RABEP1: variants seen among roughly 807,000 people sequenced by gnomAD.
RABEP1 encodes rab GTPase-binding effector protein 1.
RABEP1 carries 51 observed loss-of-function variants against 123.4 expected under a neutral mutation model. The observed-to-expected ratio is 0.41, with a 90% confidence interval of 0.33 to 0.52. The LOEUF is 0.52. Among genes scored for constraint, RABEP1 ranks in the 20% least tolerant of loss-of-function variants. RABEP1 has a pLI of 0.16. For synonymous variants in RABEP1, 347 were observed against 355.2 expected (o/e 0.98, Z 0.26); for missense variants, 888 against 996.3 (o/e 0.89, Z 1.46).
chr17:5,310,263 A>G lies in RABEP1; in HGVS notation c.163+1441A>G, dbSNP rs574874378. 3.5e-4 allele frequency among the ~76,000 whole-genome samples: 52 copies of G among 147,250 alleles called. No individual in the cohort carries two copies. The Middle Eastern group carries it at 0.011, about 31-fold the overall frequency. On this transcript the variant is annotated intron_variant, in intron 2 of 17. Transcript: ENST00000537505. The stretch of plus-strand genomic sequence containing the variant: ...GAAAAGATGTGAAGGATAAAATTTT[A>G]TATTGTTGATATTTACAATTTAAAT...
intron 2 of RABEP1, among the ~76,000 whole-genome samples, chr17:5,326,371 G>A (rs549768165): frequency 1.8e-4 from 27 of 152,244 alleles, no homozygotes; most frequent in African/African-American, 6.5e-4. Context: ...AAACTACTAA[G>A]TGAAAGAAGG....
At chr17:5,373,731 C>T (rs909845640) in intron 13 of RABEP1, among the ~76,000 whole-genome samples, 1 of 140,644 alleles carries the variant, frequency 7.1e-6, no homozygotes, top group African/African-American at 2.6e-5. Context: ...CACACACACA[C>T]ACACACGAAA....
intron 1 of RABEP1, among the ~76,000 whole-genome samples, chr17:5,292,099 GC>G (rs765693694): frequency 3.3e-5 from 5 of 152,128 alleles, no homozygotes; most frequent in Non-Finnish European, 7.3e-5. Flanking sequence ...TTGCCAAATT[GC>G]TTTCTAGAAA....
At position 5,373,341 on chromosome 17, in the gene RABEP1, G is replaced by A; in HGVS notation, c.1912G>A (p.Val638Ile). 1 of 1,613,236 alleles carries A rather than the reference G, an allele frequency of 6.2e-7. No homozygotes were observed. The highest frequency in any genetic ancestry group is 1.1e-5 in the South Asian group (1 of 90,994). ...GGTGCTGATGCAGTCACGGGAACAG[G>A]TTTCAGAAGAGCTGGTGAGGTTACA... ...MAVLMQSREQVSEELVRLQKD... is the reference protein window; with the variant it reads ...MAVLMQSREQISEELVRLQKD... Residue 638 changes from valine to isoleucine, a missense_variant, in exon 13 of 18, where the codon GTT becomes ATT. By Grantham distance (29) the Val-to-Ile change is conservative. Transcript: ENST00000537505.
intron 2 of RABEP1, 128 bp from the exon 3 acceptor site, chr17:5,331,821 T>C (rs1597362961): frequency 2.8e-5 from 22 of 773,302 alleles, no homozygotes; most frequent in Non-Finnish European, 4.3e-5. Flanking sequence ...TTACCTTAAA[T>C]CTCACCTCTA....
intron 1 of RABEP1, among the ~76,000 whole-genome samples, chr17:5,299,700 C>A (rs1230125197): frequency 1.9e-5 from 2 of 107,798 alleles, no homozygotes; most frequent in Non-Finnish European, 3.9e-5. Context: ...GCACTCATTT[C>A]TTTTTCTTTT....
intron 1 of RABEP1, among the ~76,000 whole-genome samples, chr17:5,304,743 G>A (rs1301333361): frequency 6.6e-6 from 1 of 152,120 alleles, no homozygotes; most frequent in East Asian, 1.9e-4. Context: ...TTTTGTTGAA[G>A]GCTGGCATTA....
intron 12 of RABEP1, among the ~76,000 whole-genome samples, chr17:5,371,915 G>C (rs1208177840): frequency 2.0e-5 from 3 of 151,914 alleles, no homozygotes; most frequent in Non-Finnish European, 4.4e-5. Flanking sequence ...CAAAACACGT[G>C]GCATAGAGTA....
At chr17:5,295,476 G>A (rs2075074383) in intron 1 of RABEP1, among the ~76,000 whole-genome samples, 1 of 149,320 alleles carries the variant, frequency 6.7e-6, no homozygotes, top group Non-Finnish European at 1.5e-5. Context: ...AACCCTCTTA[G>A]TAAGTATTGT....
rs1185209680 is a variant in RABEP1 at position 5,294,633 on chromosome 17, C to CTTTTTTTTTTT, written c.34+12135_34+12145dup. On this transcript the variant is annotated intron_variant, in intron 1 of 17. Coordinates refer to ENST00000537505, the MANE Select transcript of RABEP1 (RefSeq NM_004703.6). Reference sequence around the variant, plus strand: ...AGATACTGAGGGAAAACGGTATTGTCTTTTTTTTTTTTTTTTTTTTTTTTT... The same window carrying CTTTTTTTTTTT: ...AGATACTGAGGGAAAACGGTATTGTCTTTTTTTTTTTTTTTTTTTTTTTTTTTTTTTTTTTT... 3.2e-3 allele frequency among the ~76,000 whole-genome samples: 170 copies of CTTTTTTTTTTT among 53,004 alleles called. 48 individuals are homozygous for CTTTTTTTTTTT. Among genetic ancestry groups the CTTTTTTTTTTT allele is most frequent in the Non-Finnish European group, 4.6e-3 (133 of 29,080 alleles). 34.8% of individuals were successfully genotyped at this position (53,004 alleles called of 152,430 possible).
chr17:5,362,365 C>G (rs1409374411), intron 9 of RABEP1, among the ~76,000 whole-genome samples: 3 of 152,136 alleles, frequency 2.0e-5, no homozygotes, highest in Admixed American at 6.6e-5. Context: ...CTCAAGTGTT[C>G]CCTTTGACTT....
chr17:5,322,219 A>G (rs978844772), intron 2 of RABEP1, among the ~76,000 whole-genome samples: 6 of 152,064 alleles, frequency 3.9e-5, no homozygotes, highest in African/African-American at 1.4e-4. Context: ...TTAGCCAGGC[A>G]TGGTGGTACA....
chr17:5,351,224 A>G (rs894238551), intron 7 of RABEP1, among the ~76,000 whole-genome samples: 1 of 152,162 alleles, frequency 6.6e-6, no homozygotes, highest in Admixed American at 6.5e-5. Context: ...AGAGCACTGC[A>G]TATTCAGGTT....
intron 1 of RABEP1, among the ~76,000 whole-genome samples, chr17:5,300,471 A>G (rs2075126266): frequency 6.6e-6 from 1 of 152,048 alleles, no homozygotes; most frequent in African/African-American, 2.4e-5. Flanking sequence ...AGCCTTGACC[A>G]CCCCTACTGA....
At chr17:5,380,988 G>A (rs1273363321) in intron 16 of RABEP1, among the ~76,000 whole-genome samples, 1 of 152,176 alleles carries the variant, frequency 6.6e-6, no homozygotes, top group Non-Finnish European at 1.5e-5. Context: ...GAGAGACTGG[G>A]GATAGCTGGG....
chr17:5,386,250 T>C lies in RABEP1; in HGVS notation c.*3027T>C. On this transcript the variant is annotated 3_prime_UTR_variant, in exon 18 of 18. Coordinates refer to ENST00000537505, the MANE Select transcript of RABEP1 (RefSeq NM_004703.6). ...CGGATATCATTGATTTGCTTCACCA[T>C]TTCCCTTATATGTTCACCCCTGTAA... is the stretch of plus-strand genomic sequence containing the variant. 1 of 1,612,900 alleles carries C rather than the reference T, an allele frequency of 6.2e-7. No individual in the cohort carries two copies. Among genetic ancestry groups the C allele is most frequent in the Non-Finnish European group, 8.5e-7 (1 of 1,179,454 alleles).
chr17:5,332,412 G>A (rs1029431776), intron 3 of RABEP1, among the ~76,000 whole-genome samples: 1 of 152,086 alleles, frequency 6.6e-6, no homozygotes, highest in African/African-American at 2.4e-5. Flanking sequence ...ATAGTTCATT[G>A]TAAGGCTTAA....
At chr17:5,371,960 T>C (rs1356682167) in intron 12 of RABEP1, among the ~76,000 whole-genome samples, 1 of 152,152 alleles carries the variant, frequency 6.6e-6, no homozygotes, top group African/African-American at 2.4e-5. Flanking sequence ...GAGAGCATCA[T>C]CTACATGTAT....
chr17:5,323,002 G>T (rs760400387), intron 2 of RABEP1, among the ~76,000 whole-genome samples: 1 of 152,142 alleles, frequency 6.6e-6, no homozygotes, highest in Non-Finnish European at 1.5e-5. Flanking sequence ...CTTGAACCTG[G>T]GAGATGGTGT....
Sources: allele counts gnomAD v4.1 joint callset (sites outside exome capture counted in the v4.1 genomes callset), GRCh38; gene constraint gnomAD v4.1.1; transcripts MANE v1.5; gene names NCBI Gene and HGNC (gene_info 2026-07-23, HGNC 2026-07-21).